Variants in CTNNA2 observed in about 807,000 individuals in gnomAD.
CTNNA2 encodes catenin alpha-2.
A neutral mutation model predicts 101.0 loss-of-function variants in CTNNA2; 42 were observed. The observed-to-expected ratio is 0.42, with a 90% confidence interval of 0.32 to 0.54. The LOEUF is 0.54. Ranked by LOEUF, CTNNA2 falls within the 20% of genes least tolerant of loss-of-function variation. CTNNA2 has a pLI of 0.14. For synonymous variants in CTNNA2, 450 were observed against 456.4 expected (o/e 0.99, Z 0.18); for missense variants, 871 against 1,223.1 (o/e 0.71, Z 4.29).
chr2:79,348,591 G>A (rs1207269506), intron 3 of CTNNA2, among the ~76,000 whole-genome samples: 1 of 152,162 alleles, frequency 6.6e-6, no homozygotes, highest in Non-Finnish European at 1.5e-5. Flanking sequence ...ATCTCAGTCT[G>A]AGCTAAAATT....
At chr2:80,284,800 A>T (rs1387003662) in intron 7 of CTNNA2, among the ~76,000 whole-genome samples, 2 of 152,248 alleles carry the variant, frequency 1.3e-5, no homozygotes, top group African/African-American at 4.8e-5. Flanking sequence ...GAATTTTGTC[A>T]TATTGGTTAA....
intron 1 of CTNNA2, among the ~76,000 whole-genome samples, chr2:79,644,008 C>A (rs149942629): frequency 2.6e-5 from 4 of 152,138 alleles, no homozygotes; most frequent in Admixed American, 2.0e-4. Context: ...TCTCTTCCAC[C>A]GATAGCCAGG....
intron 7 of CTNNA2, among the ~76,000 whole-genome samples, chr2:80,136,925 G>C (rs1390971640): frequency 6.6e-6 from 1 of 152,160 alleles, no homozygotes; most frequent in African/African-American, 2.4e-5. Context: ...CACAACTGCT[G>C]CTGCATGAAG....
chr2:79,679,568 G>C (rs1371718560), intron 2 of CTNNA2, among the ~76,000 whole-genome samples: 1 of 151,868 alleles, frequency 6.6e-6, no homozygotes, highest in Non-Finnish European at 1.5e-5. Context: ...CCCCATGCTG[G>C]AGCCCCTTTC....
chr2:80,434,485 C>CTTTTTTTTTTTTT (rs1169944635), intron 9 of CTNNA2, among the ~76,000 whole-genome samples: 1 of 89,962 alleles, frequency 1.1e-5, no homozygotes, highest in Non-Finnish European at 2.0e-5. Flanking sequence ...TTCTGTGTCT[C>CTTTTTTTTTTTTT]TTTTTTTTTT....
chr2:80,500,120 A>C (rs543553822), intron 9 of CTNNA2, among the ~76,000 whole-genome samples: 2 of 152,196 alleles, frequency 1.3e-5, no homozygotes, highest in African/African-American at 4.8e-5. Flanking sequence ...CTTACAAATC[A>C]TAGCATTTAG....
chr2:79,690,482 G>A (rs1234366748), intron 2 of CTNNA2, among the ~76,000 whole-genome samples: 1 of 151,898 alleles, frequency 6.6e-6, no homozygotes, highest in Admixed American at 6.6e-5. Context: ...TCTTTTTTAT[G>A]GCCACATAGT....
intron 4 of CTNNA2, among the ~76,000 whole-genome samples, chr2:79,402,790 C>T (rs984410425): frequency 8.6e-5 from 13 of 151,704 alleles, no homozygotes; most frequent in African/African-American, 3.1e-4. Context: ...AAAAAGTATG[C>T]TTTCTCATCA....
At chr2:80,145,635 T>G (rs1397021969) in intron 7 of CTNNA2, among the ~76,000 whole-genome samples, 2 of 152,190 alleles carry the variant, frequency 1.3e-5, no homozygotes, top group Non-Finnish European at 2.9e-5. Flanking sequence ...GTCCTTCACT[T>G]GACCATGAGC....
At chr2:80,164,292 T>C (rs1000804779) in intron 7 of CTNNA2, among the ~76,000 whole-genome samples, 1 of 152,010 alleles carries the variant, frequency 6.6e-6, no homozygotes, top group African/African-American at 2.4e-5. Context: ...GAATTCTGTT[T>C]TACTTATCTA....
intron 4 of CTNNA2, among the ~76,000 whole-genome samples, chr2:79,495,769 A>AT (rs1412438595): frequency 1.3e-5 from 2 of 152,190 alleles, no homozygotes; most frequent in Non-Finnish European, 2.9e-5. Flanking sequence ...TTATTTAGTA[A>AT]TTTTTTAAAA....
chr2:79,966,404 A>T (rs572004860), intron 7 of CTNNA2, among the ~76,000 whole-genome samples: 1 of 152,046 alleles, frequency 6.6e-6, no homozygotes, highest in African/African-American at 2.4e-5. Context: ...CCAAGCTATT[A>T]TTTTTATTTT....
At chr2:79,784,309 G>A (rs908707727) in intron 3 of CTNNA2, among the ~76,000 whole-genome samples, 10 of 151,828 alleles carry the variant, frequency 6.6e-5, no homozygotes, top group Admixed American at 6.6e-4. Flanking sequence ...CAACTCTAAA[G>A]GCCGTAGTTC....
At chr2:80,337,928 A>G (rs1360370712) in intron 7 of CTNNA2, among the ~76,000 whole-genome samples, 1 of 152,084 alleles carries the variant, frequency 6.6e-6, no homozygotes, top group Non-Finnish European at 1.5e-5. Flanking sequence ...CCTGCTCCCC[A>G]GGTGGCTTCC....
chr2:79,416,257 CTTTTTTTTT>C (rs66830925), intron 4 of CTNNA2, among the ~76,000 whole-genome samples: 72 of 94,616 alleles, frequency 7.6e-4, no homozygotes, highest in African/African-American at 2.7e-3. Context: ...CTTTCCTTTT[CTTTTTTTTT>C]TTTTTTTTTT....
At chr2:79,460,841 T>G (rs1035873427) in intron 4 of CTNNA2, among the ~76,000 whole-genome samples, 18 of 145,298 alleles carry the variant, frequency 1.2e-4, no homozygotes, top group African/African-American at 4.7e-4. Flanking sequence ...TTAAGTATTT[T>G]TTTTTTCTTT....
At position 80,484,950 on chromosome 2, in the gene CTNNA2, G is replaced by C. The variant is rs571970411; in HGVS notation, c.1291-60032G>C. Among the ~76,000 whole-genome samples the C allele has an allele frequency of 5.9e-5, 9 of 152,246 alleles. No individual in the cohort carries two copies. The South Asian group carries it at 1.9e-3, about 32-fold the overall frequency. ...GAACCTGGGAGGTGGAGCTTGCAGT[G>C]AGCCGAGACTGTGCCACTGCATTCC... is the stretch of plus-strand genomic sequence containing the variant. On this transcript the variant is annotated intron_variant, in intron 9 of 18. Transcript: ENST00000402739.
intron 7 of CTNNA2, among the ~76,000 whole-genome samples, chr2:80,000,899 T>C (rs1692903254): frequency 6.6e-6 from 1 of 152,110 alleles, no homozygotes; most frequent in Admixed American, 6.5e-5. Context: ...TATCTGCCCA[T>C]TGAGATTTCA....
chr2:79,859,629 T>TA (rs1681428924), intron 4 of CTNNA2, among the ~76,000 whole-genome samples: 1 of 150,924 alleles, frequency 6.6e-6, no homozygotes, highest in Non-Finnish European at 1.5e-5. Flanking sequence ...TATTTTTATT[T>TA]TTATTTTTTC....
Sources: allele counts gnomAD v4.1 joint callset (sites outside exome capture counted in the v4.1 genomes callset), GRCh38; gene constraint gnomAD v4.1.1; transcripts MANE v1.5; gene names NCBI Gene and HGNC (gene_info 2026-07-23, HGNC 2026-07-21).